Variants in SHLD1 observed in about 807,000 individuals in gnomAD.
SHLD1 encodes the protein shieldin complex subunit 1.
SHLD1 carries 3 observed loss-of-function variants against 5.5 expected under a neutral mutation model. The ratio of observed to expected loss-of-function variants is 0.54; its 90% CI spans 0.25 to 1.40. SHLD1 has a LOEUF of 1.40. Among genes scored for constraint, SHLD1 ranks in the 40% most tolerant of loss-of-function variants. The pLI, the probability that SHLD1 is intolerant of heterozygous loss-of-function variation, is 0.15. For synonymous variants in SHLD1, 92 were observed against 94.3 expected, an observed-to-expected ratio of 0.98 and a Z score of 0.14; for missense variants, 210 against 244.4, an observed-to-expected ratio of 0.86 and a Z score of 0.94.
chr20:5,850,112 CAATAATAATAATAATAAT>C (rs113975793), intron 2 of SHLD1, among the ~76,000 whole-genome samples: 3 of 130,246 alleles, frequency 2.3e-5, no homozygotes, highest in African/African-American at 8.5e-5. Flanking sequence ...GACCCCGTCT[CAATAATAATAATAATAAT>C]AATAATAATA....
chr20:5,758,198 G>C (rs1279114998), intron 1 of SHLD1, among the ~76,000 whole-genome samples: 3 of 150,790 alleles, frequency 2.0e-5, no homozygotes, highest in Non-Finnish European at 4.4e-5. Context: ...ACCTGAAGGA[G>C]GTCCATTATG....
intron 1 of SHLD1, among the ~76,000 whole-genome samples, chr20:5,761,021 TA>T (rs1163032640): frequency 6.6e-6 from 1 of 151,894 alleles, no homozygotes; most frequent in African/African-American, 2.4e-5. Flanking sequence ...TTTAGGACAT[TA>T]ACAAGATTAT....
rs200839877 is a variant in SHLD1 at position 5,854,410 on chromosome 20, A to T, written c.179-8614A>T. On this transcript the variant is annotated intron_variant, in intron 2 of 2. Transcript: ENST00000303142. ...TGATTTGTCCGCGTTGGCCTCCCAA[A>T]GTTCTGGGATTACAGGTGTGAGCCA... Among the ~76,000 whole-genome samples, 127 of 152,270 alleles carry T rather than the reference A, an allele frequency of 8.3e-4. 1 individual carries two copies. The highest frequency in any genetic ancestry group is 2.2e-3 in the Admixed American group (33 of 15,280).
chr20:5,843,300 T>C (rs1026213122), intron 2 of SHLD1, among the ~76,000 whole-genome samples: 1 of 151,794 alleles, frequency 6.6e-6, no homozygotes, highest in Admixed American at 6.6e-5. Context: ...TTTTTCTTTT[T>C]TTTTTTTCCT....
chr20:5,843,726 A>T (rs1246401272), intron 2 of SHLD1, among the ~76,000 whole-genome samples: 1 of 152,206 alleles, frequency 6.6e-6, no homozygotes, highest in East Asian at 1.9e-4. Flanking sequence ...TTTATCCAAC[A>T]GTTTTAGATG....
At chr20:5,837,824 G>A (rs6133269) in intron 2 of SHLD1, among the ~76,000 whole-genome samples, 7,006 of 151,988 alleles carry the variant, frequency 0.046, 311 homozygotes, top group East Asian at 0.22. Context: ...ATATTTTTAG[G>A]CTACGCAATT....
chr20:5,804,583 A>G (rs1173726701), intron 2 of SHLD1, among the ~76,000 whole-genome samples: 1 of 152,182 alleles, frequency 6.6e-6, no homozygotes, highest in Non-Finnish European at 1.5e-5. Flanking sequence ...CTAACATAAT[A>G]TGTGCTCTAA....
Position 5,851,812 on chromosome 20 carries a change from G to T in SHLD1, c.179-11212G>T, listed in dbSNP as rs1322317748. On this transcript the variant is annotated intron_variant, in intron 2 of 2. Transcript: ENST00000303142. ...CCAGTGTTGGAAGATGGGGCCTGGT[G>T]GCGGGGGGGCATTTTTAAATTTTTA... is the stretch of plus-strand genomic sequence containing the variant. Among the ~76,000 whole-genome samples, 11 of 150,896 alleles carry T rather than the reference G, an allele frequency of 7.3e-5. 1 individual carries two copies. In the South Asian group the frequency reaches 1.5e-3, roughly 20 times the overall value.
rs192349534 is a variant in SHLD1, at chr20:5,807,083, G to A, written c.178+34040G>A. On this transcript the variant is annotated intron_variant, in intron 2 of 2. Coordinates refer to ENST00000303142, the MANE Select transcript of SHLD1 (RefSeq NM_152504.4). ...CTGCAGGGCTTTGCCCTCCTGGGTG[G>A]CCTTTGCCTGGTACGCCTCTCTTGT... Among the ~76,000 whole-genome samples the A allele has an allele frequency of 1.7e-3, 263 of 152,344 alleles. 1 individual carries two copies. Among genetic ancestry groups the A allele is most frequent in the Non-Finnish European group, 3.0e-3 (204 of 68,036 alleles).
At chr20:5,778,266 A>G (rs920560011) in intron 2 of SHLD1, among the ~76,000 whole-genome samples, 9 of 146,624 alleles carry the variant, frequency 6.1e-5, no homozygotes, top group Admixed American at 2.7e-4. Flanking sequence ...ACAGGTGCCC[A>G]CCACCATGCC....
At chr20:5,814,236 A>G (rs1256617697) in intron 2 of SHLD1, among the ~76,000 whole-genome samples, 1 of 152,000 alleles carries the variant, frequency 6.6e-6, no homozygotes, top group Non-Finnish European at 1.5e-5. Context: ...GATTATAGGC[A>G]TGAGCCACCG....
At chr20:5,778,354 C>G (rs1213577455) in intron 2 of SHLD1, among the ~76,000 whole-genome samples, 1 of 149,830 alleles carries the variant, frequency 6.7e-6, no homozygotes, top group African/African-American at 2.5e-5. Context: ...GTCTCGATCT[C>G]CTGACCTTGT....
intron 2 of SHLD1, among the ~76,000 whole-genome samples, chr20:5,775,180 A>G (rs1405912077): frequency 6.6e-6 from 1 of 151,168 alleles, no homozygotes; most frequent in Non-Finnish European, 1.5e-5. Flanking sequence ...CTGGGATTAC[A>G]GGCTCACATC....
At chr20:5,770,012 A>G (rs1985065348) in intron 1 of SHLD1, among the ~76,000 whole-genome samples, 1 of 151,440 alleles carries the variant, frequency 6.6e-6, no homozygotes, top group Non-Finnish European at 1.5e-5. Context: ...CTCAAAAAAA[A>G]AAAAAAAAAA....
At chr20:5,767,888 C>G (rs1010647207) in intron 1 of SHLD1, among the ~76,000 whole-genome samples, 1 of 152,046 alleles carries the variant, frequency 6.6e-6, no homozygotes, top group East Asian at 1.9e-4. Context: ...CTTCCCAGAG[C>G]TGGCTACAGG....
In SHLD1 at chr20:5,863,243, G is replaced by T; in HGVS notation, c.398G>T (p.Arg133Ile). 1 of 1,614,154 alleles carries T rather than the reference G, an allele frequency of 6.2e-7. No individual in the cohort carries two copies. Among genetic ancestry groups the T allele is most frequent in the Non-Finnish European group, 8.5e-7 (1 of 1,180,016 alleles). The change falls in exon 3 of 3, where the codon AGA (arginine) becomes ATA (isoleucine). Residue 133 changes from arginine (R) to isoleucine (I), a missense_variant. By Grantham distance (97) the Arg-to-Ile change is moderately conservative. Coordinates refer to ENST00000303142, the MANE Select transcript of SHLD1 (RefSeq NM_152504.4). Reference sequence around the variant, plus strand: ...CTGTCTCAGAAAATCACTCAACTAAGAGGCCAGGAGAGCCAAAAGTATGCC... The same window carrying T: ...CTGTCTCAGAAAATCACTCAACTAATAGGCCAGGAGAGCCAAAAGTATGCC... ...KCLSQKITQL[R>I]GQESQKYALR...
At chr20:5,777,018 C>G (rs1301706190) in intron 2 of SHLD1, among the ~76,000 whole-genome samples, 1 of 151,866 alleles carries the variant, frequency 6.6e-6, no homozygotes, top group African/African-American at 2.4e-5. Flanking sequence ...AAGACAGAGT[C>G]TCACTCTGTT....
chr20:5,852,639 G>A (rs556334130), intron 2 of SHLD1, among the ~76,000 whole-genome samples: 48 of 152,140 alleles, frequency 3.2e-4, no homozygotes, highest in Middle Eastern at 3.4e-3. Flanking sequence ...TAGTAGAGAC[G>A]GGGTTTTGCC....
intron 1 of SHLD1, among the ~76,000 whole-genome samples, chr20:5,767,558 C>G (rs144810737): frequency 6.6e-6 from 1 of 152,310 alleles, no homozygotes; most frequent in East Asian, 1.9e-4. Flanking sequence ...CTTTCCCACC[C>G]GGACCACTGC....
Sources: allele counts gnomAD v4.1 joint callset (sites outside exome capture counted in the v4.1 genomes callset), GRCh38; gene constraint gnomAD v4.1.1; transcripts MANE v1.5; gene names NCBI Gene and HGNC (gene_info 2026-07-23, HGNC 2026-07-21).